Variants in PDE4D observed in about 807,000 individuals in gnomAD.
PDE4D encodes phosphodiesterase 4D.
A neutral mutation model predicts 87.4 loss-of-function variants in PDE4D; 24 were observed. The observed-to-expected ratio is 0.27, with a 90% CI of 0.20 to 0.39. PDE4D has a LOEUF of 0.39. PDE4D is among the 10% of genes least tolerant of loss of function. The probability of loss-of-function intolerance (pLI) is 1.00; values close to 1 mark genes in which losing one functional copy is unlikely to be tolerated. For missense variants in PDE4D, 714 were observed against 1,041.0 expected (o/e 0.69, Z 4.32); for synonymous variants, 384 against 383.2 (o/e 1.00, Z -0.02).
chr5:59,693,921 A>G (rs888794691), intron 1 of PDE4D, among the ~76,000 whole-genome samples: 5 of 152,158 alleles, frequency 3.3e-5, no homozygotes, highest in Non-Finnish European at 7.4e-5. Context: ...AAGAGAGAAA[A>G]TATTATGAAA....
At chr5:59,415,479 A>C (rs1793441200) in intron 1 of PDE4D, among the ~76,000 whole-genome samples, 1 of 152,168 alleles carries the variant, frequency 6.6e-6, no homozygotes, top group South Asian at 2.1e-4. Context: ...GGGCACTTGA[A>C]AGGGGGTTAG....
intron 1 of PDE4D, among the ~76,000 whole-genome samples, chr5:59,463,508 G>A (rs187441174): frequency 7.2e-5 from 11 of 152,154 alleles, no homozygotes; most frequent in East Asian, 5.8e-4. Context: ...AACAGTCCCC[G>A]CACTGAATCA....
At chr5:60,013,329 G>A (rs1187102034) in intron 2 of PDE4D, among the ~76,000 whole-genome samples, 1 of 152,092 alleles carries the variant, frequency 6.6e-6, no homozygotes, top group African/African-American at 2.4e-5. Flanking sequence ...CTTGAGCTAT[G>A]CAAGCGCTGA....
chr5:59,450,840 C>A (rs941201192), intron 1 of PDE4D, among the ~76,000 whole-genome samples: 1 of 152,188 alleles, frequency 6.6e-6, no homozygotes, highest in African/African-American at 2.4e-5. Flanking sequence ...GTCCTTCTCA[C>A]ATTCTCTGAT....
At chr5:59,192,472 G>A (rs1436772422) in intron 3 of PDE4D, among the ~76,000 whole-genome samples, 3 of 152,004 alleles carry the variant, frequency 2.0e-5, no homozygotes, top group Non-Finnish European at 4.4e-5. Flanking sequence ...GGCAAGAGGC[G>A]GTGAAAGGGT....
intron 2 of PDE4D, among the ~76,000 whole-genome samples, chr5:60,051,769 A>T (rs1770186160): frequency 1.3e-5 from 2 of 152,142 alleles, no homozygotes; most frequent in African/African-American, 2.4e-5. Context: ...TTTAAAAAAG[A>T]TTAACAAAAT....
At chr5:60,178,148 A>G (rs1784089894) in intron 2 of PDE4D, among the ~76,000 whole-genome samples, 1 of 152,192 alleles carries the variant, frequency 6.6e-6, no homozygotes, top group Non-Finnish European at 1.5e-5. Context: ...TCCTCAAAAA[A>G]TACTGTCCCA....
At position 59,037,005 on chromosome 5, in the gene PDE4D, A is replaced by AT. The variant is rs5868152; in HGVS notation, c.921+1853dup. 3.2e-3 allele frequency among the ~76,000 whole-genome samples: 480 copies of AT among 151,042 alleles called. 6 individuals carry two copies. The highest frequency in any genetic ancestry group is 0.027 in the South Asian group (131 of 4,786). On this transcript the variant is annotated intron_variant, in intron 6 of 14. Coordinates refer to ENST00000340635, the MANE Select transcript of PDE4D (RefSeq NM_001104631.2). ...CTAATCTGGGGCCTTCATAATAAAG[A>AT]TTTTTTTTTTAAATCCCTGTCTTAT...
chr5:59,495,746 T>C (rs544095758), intron 1 of PDE4D, among the ~76,000 whole-genome samples: 1 of 152,288 alleles, frequency 6.6e-6, no homozygotes, highest in African/African-American at 2.4e-5. Context: ...AAAGGTTCCC[T>C]TGTCCCCCTT....
At chr5:59,246,708 A>T (rs1488006635) in intron 1 of PDE4D, among the ~76,000 whole-genome samples, 3 of 152,152 alleles carry the variant, frequency 2.0e-5, no homozygotes, top group Non-Finnish European at 4.4e-5. Flanking sequence ...TCTTTGTTGA[A>T]AGGAAGGCTG....
chr5:60,129,694 T>C (rs960600156), intron 2 of PDE4D, among the ~76,000 whole-genome samples: 3 of 152,176 alleles, frequency 2.0e-5, no homozygotes, highest in Admixed American at 6.6e-5. Context: ...AAATATTTGA[T>C]TGCTGCTGTT....
At chr5:59,898,557 C>T (rs1284328063), upstream of PDE4D, among the ~76,000 whole-genome samples, 2 of 152,138 alleles carry the variant, frequency 1.3e-5, no homozygotes, top group East Asian at 3.9e-4. Flanking sequence ...TAGCTATTTT[C>T]AGTATGTGTG....
chr5:59,924,818 T>G (rs1264808642), intron 3 of PDE4D, among the ~76,000 whole-genome samples: 1 of 152,172 alleles, frequency 6.6e-6, no homozygotes, highest in East Asian at 1.9e-4. Context: ...AGTATAACAT[T>G]ATAATTGCGA....
intron 1 of PDE4D, among the ~76,000 whole-genome samples, chr5:59,342,374 C>T (rs544479642): frequency 6.0e-4 from 91 of 152,196 alleles, no homozygotes; most frequent in Middle Eastern, 3.4e-3. Flanking sequence ...TTTCCCCTAG[C>T]GCTTGCATTC....
chr5:59,148,305 A>G (rs1778963823), intron 5 of PDE4D, among the ~76,000 whole-genome samples: 1 of 152,228 alleles, frequency 6.6e-6, no homozygotes, highest in Non-Finnish European at 1.5e-5. Flanking sequence ...AAACACACTT[A>G]TAAGATTTTC....
intron 1 of PDE4D, among the ~76,000 whole-genome samples, chr5:59,369,165 T>C (rs982574347): frequency 1.3e-5 from 2 of 152,214 alleles, no homozygotes; most frequent in Admixed American, 6.5e-5. Flanking sequence ...AGAGCATTCA[T>C]TGATGAGTAT....
intron 1 of PDE4D, among the ~76,000 whole-genome samples, chr5:60,318,990 T>C (rs746855662): frequency 6.6e-6 from 1 of 152,192 alleles, no homozygotes; most frequent in Non-Finnish European, 1.5e-5. Flanking sequence ...GAGGAGTATC[T>C]TTGTAGCATT....
intron 5 of PDE4D, among the ~76,000 whole-genome samples, chr5:59,175,530 G>A (rs1220760078): frequency 5.6e-5 from 7 of 124,372 alleles, no homozygotes; most frequent in Non-Finnish European, 9.5e-5. Flanking sequence ...CACCCAGGCC[G>A]AAGAGCAGTG....
intron 1 of PDE4D, among the ~76,000 whole-genome samples, chr5:59,448,764 C>A (rs1323457189): frequency 6.6e-6 from 1 of 152,132 alleles, no homozygotes. Context: ...TCCTGAGTAG[C>A]TGATACTACA....
Sources: allele counts gnomAD v4.1 joint callset (sites outside exome capture counted in the v4.1 genomes callset), GRCh38; gene constraint gnomAD v4.1.1; transcripts MANE v1.5; gene names NCBI Gene and HGNC (gene_info 2026-07-23, HGNC 2026-07-21).